Variants in ANK1 observed in about 807,000 individuals in gnomAD.
The protein encoded by ANK1 is ankyrin 1.
In ANK1, 51 loss-of-function variants were observed where a neutral mutation model predicts 210.4. The ratio of observed to expected loss-of-function variants is 0.24; its 90% CI spans 0.19 to 0.31. The LOEUF (loss-of-function observed/expected upper bound fraction) is 0.31, where lower values mean the gene tolerates loss of function less well. Among genes scored for constraint, ANK1 ranks in the 10% least tolerant of loss-of-function variants. The pLI, the probability that ANK1 is intolerant of heterozygous loss-of-function variation, is 1.00. For synonymous variants in ANK1, 967 were observed against 1,025.9 expected (o/e 0.94, Z 1.10); for missense variants, 2,051 against 2,504.4 (o/e 0.82, Z 3.86).
At chr8:41,896,257 C>T in intron 1 of ANK1, 4 of 1,402,808 alleles carry the variant, frequency 2.9e-6, no homozygotes, top group Non-Finnish European at 2.8e-6. Context: ...CCGCACCGGG[C>T]GCCGCGCCCC....
In ANK1 at chr8:41,696,493, C is replaced by T. The variant is rs35797405; in HGVS notation, c.2830G>A (p.Ala944Thr). 743 of 1,613,488 alleles carry T rather than the reference C, an allele frequency of 4.6e-4. 2 individuals carry two copies. Among genetic ancestry groups the T allele is most frequent in the African/African-American group, 4.6e-3 (342 of 75,068 alleles). Residue 944 changes from alanine to threonine, a missense_variant, in exon 26 of 43, where the codon GCA becomes ACA. By Grantham distance (58) the Ala-to-Thr change is moderately conservative. Coordinates refer to ENST00000289734, the MANE Select transcript of ANK1 (RefSeq NM_000037.4). ...CGGCAGGTGATGCGGGTGGGCGCTG[C>T]GCACGTCCGTGGCGGGATCACCACT... ...LRVVIPPRTC[A>T]APTRITCRLV... is the part of the protein sequence containing the mutation.
chr8:41,771,816 C>T lies in ANK1; in HGVS notation c.28-13679G>A, dbSNP rs542559383. On this transcript the variant is annotated intron_variant, in intron 1 of 42. Coordinates refer to ENST00000289734, the MANE Select transcript of ANK1 (RefSeq NM_000037.4). ...ATGCAGCACTTAAACCCCCAGCTCG[C>T]TCCTGGCTTGATGCAGTGGGCTGTT... Among the ~76,000 whole-genome samples the T allele has an allele frequency of 3.3e-5, 5 of 152,308 alleles. No individual in the cohort carries two copies. The South Asian group carries it at 8.3e-4, about 25-fold the overall frequency.
At chr8:41,720,294 T>C (rs1270111226) in intron 9 of ANK1, among the ~76,000 whole-genome samples, 1 of 152,186 alleles carries the variant, frequency 6.6e-6, no homozygotes, top group East Asian at 1.9e-4. Context: ...GCCAAATACA[T>C]GCATGTAACA....
intron 1 of ANK1, among the ~76,000 whole-genome samples, chr8:41,787,165 G>C (rs764820703): frequency 6.6e-6 from 1 of 152,106 alleles, no homozygotes; most frequent in East Asian, 1.9e-4. Flanking sequence ...TGGCCCAGAG[G>C]GGTGGGCTGG....
chr8:41,703,006 A>C (rs1320395953), intron 20 of ANK1, among the ~76,000 whole-genome samples: 1 of 150,450 alleles, frequency 6.6e-6, no homozygotes, highest in African/African-American at 2.5e-5. Flanking sequence ...TTGTATTTTT[A>C]GTAGAGACAG....
chr8:41,723,173 G>A lies in ANK1; in HGVS notation c.861C>T (p.Ile287=). The change falls in exon 9 of 43, where the codon ATC becomes ATT. Residue 287 remains isoleucine (I), a synonymous_variant. Coordinates refer to ENST00000289734, the MANE Select transcript of ANK1 (RefSeq NM_000037.4). The part of the protein sequence containing the change: ...HCAARNGHVR[I]SEILLDHGAP... ...CCCCGTGGTCCAGCAGGATCTCTGA[G>A]ATTCGCACGTGCCCATTTCGAGCTG... is the stretch of plus-strand genomic sequence containing the variant. 6.2e-7 allele frequency: 1 copy of A among 1,614,200 alleles called. No individual in the cohort carries two copies. Among genetic ancestry groups the A allele is most frequent in the East Asian group, 2.2e-5 (1 of 44,884 alleles).
chr8:41,883,717 C>T (rs1053261632), intron 1 of ANK1, among the ~76,000 whole-genome samples: 5 of 152,154 alleles, frequency 3.3e-5, no homozygotes, highest in Admixed American at 6.5e-5. Context: ...ACCTCAGCCA[C>T]CCAAAGAGCT....
At chr8:41,843,078 C>A (rs1587367144) in intron 1 of ANK1, among the ~76,000 whole-genome samples, 1 of 152,302 alleles carries the variant, frequency 6.6e-6, no homozygotes, top group East Asian at 1.9e-4. Flanking sequence ...GAACTCTTGA[C>A]CTCAGGTGAT....
chr8:41,807,638 A>T (rs1196755475), intron 1 of ANK1, among the ~76,000 whole-genome samples: 2 of 147,338 alleles, frequency 1.4e-5, no homozygotes, highest in African/African-American at 5.4e-5. Context: ...GAGGACACTG[A>T]TGAGGCCGGG....
At chr8:41,748,343 GT>G in intron 2 of ANK1, among the ~76,000 whole-genome samples, 1 of 152,274 alleles carries the variant, frequency 6.6e-6, no homozygotes, top group East Asian at 1.9e-4. Context: ...GAACTATGTA[GT>G]TTAATACATT....
At chr8:41,665,015 A>G (rs1276066714) in intron 39 of ANK1, 1 of 1,613,768 alleles carries the variant, frequency 6.2e-7, no homozygotes, top group Admixed American at 1.7e-5. Context: ...GGGTGACGAA[A>G]GTCCACATCC....
chr8:41,787,368 G>A (rs1297259733), intron 1 of ANK1, among the ~76,000 whole-genome samples: 2 of 152,204 alleles, frequency 1.3e-5, no homozygotes, highest in African/African-American at 2.4e-5. Flanking sequence ...AGAAAGAGCT[G>A]GGCTTAGAAT....
chr8:41,869,196 C>T (rs1815034486), intron 1 of ANK1, among the ~76,000 whole-genome samples: 1 of 147,938 alleles, frequency 6.8e-6, no homozygotes, highest in Admixed American at 6.6e-5. Flanking sequence ...GTGGTTGGAC[C>T]CGATGGTCCC....
chr8:41,828,533 G>A (rs751085531), intron 1 of ANK1: 3 of 154,278 alleles, frequency 1.9e-5, no homozygotes, highest in Non-Finnish European at 4.4e-5. Context: ...CAGGTGGAGC[G>A]AGTCTCCTCC....
At chr8:41,849,650 AGGGAAGGTGCCCACCACACACTCAG>A (rs1373113366) in intron 1 of ANK1, among the ~76,000 whole-genome samples, 1 of 152,228 alleles carries the variant, frequency 6.6e-6, no homozygotes, top group Non-Finnish European at 1.5e-5. Context: ...ACCGCCGCGC[AGGGAAGGTGCCCACCACACACTCAG>A]GGCTTTCCAT....
At chr8:41,819,985 G>A (rs1803938916) in intron 1 of ANK1, among the ~76,000 whole-genome samples, 1 of 152,186 alleles carries the variant, frequency 6.6e-6, no homozygotes, top group Non-Finnish European at 1.5e-5. Flanking sequence ...CCATGCCACT[G>A]ATCCCGCCCT....
At chr8:41,802,996 A>AGAAAGAGAGAAG (rs1850186937) in intron 1 of ANK1, among the ~76,000 whole-genome samples, 1 of 20,290 alleles carries the variant, frequency 4.9e-5, no homozygotes, top group African/African-American at 3.1e-4. Flanking sequence ...AGAGAAAGAG[A>AGAAAGAGAGAAG]GAAAGAAAGA....
At chr8:41,781,485 C>T (rs1563754146) in intron 1 of ANK1, among the ~76,000 whole-genome samples, 1 of 152,216 alleles carries the variant, frequency 6.6e-6, no homozygotes, top group Non-Finnish European at 1.5e-5. Context: ...ACCACCTTCC[C>T]AGGCCCTCTC....
In ANK1 at chr8:41,694,989, G is replaced by A. The variant is rs1820430348; in HGVS notation, c.3116-186C>T. 6.6e-6 allele frequency among the ~76,000 whole-genome samples: 1 copy of A among 152,206 alleles called. No individual in the cohort carries two copies. Among genetic ancestry groups the A allele is most frequent in the East Asian group, 1.9e-4 (1 of 5,186 alleles). ...GGCCCAGAGGCCCAGCAGAGCAGAT[G>A]CGGCTGCAGGCAGCCGCTGAGCATC... On this transcript the variant is annotated intron_variant, in intron 27 of 42. Coordinates refer to ENST00000289734, the MANE Select transcript of ANK1 (RefSeq NM_000037.4). The surrounding 1 kb of genome is among the most constrained non-coding windows in gnomAD (Gnocchi z 5.7).
Sources: allele counts gnomAD v4.1 joint callset (sites outside exome capture counted in the v4.1 genomes callset), GRCh38; gene constraint gnomAD v4.1.1; non-coding constraint Gnocchi (gnomAD v3.1); transcripts MANE v1.5; gene names NCBI Gene and HGNC (gene_info 2026-07-23, HGNC 2026-07-21).